Variants in DHX29 observed in about 807,000 individuals in gnomAD.
The protein encoded by DHX29 is DExH-box helicase 29.
DHX29 carries 79 observed loss-of-function variants against 167.9 expected under a neutral mutation model. The observed-to-expected ratio is 0.47, with a 90% CI of 0.39 to 0.57. The LOEUF is 0.57. Among genes scored for constraint, DHX29 ranks in the 20% least tolerant of loss-of-function variants. DHX29 has a pLI of 0.00. For missense variants in DHX29, 1,347 were observed against 1,593.4 expected, an observed-to-expected ratio of 0.85 and a Z score of 2.63; for synonymous variants, 530 against 546.0, an observed-to-expected ratio of 0.97 and a Z score of 0.41.
rs1251714035 is a variant in DHX29 at position 55,290,329 on chromosome 5, G to GT, written c.795dup (p.His266ThrfsTer17). On this transcript the variant is annotated frameshift_variant, in exon 7 of 27. Transcript: ENST00000251636. LOFTEE classifies it high-confidence loss of function. ...GCATCCAGCAGTTTTGCTGCAAGAT[G>GT]TAAGTACCTTTCATTCTGTTCCAAA... is the stretch of plus-strand genomic sequence containing the variant. 1.2e-6 allele frequency: 2 copies of GT among 1,605,452 alleles called. No homozygotes were observed. Among genetic ancestry groups the GT allele is most frequent in the Non-Finnish European group, 1.7e-6 (2 of 1,178,052 alleles).
chr5:55,274,086 CAA>C (rs201970753), intron 16 of DHX29, among the ~76,000 whole-genome samples: 39 of 73,768 alleles, frequency 5.3e-4, no homozygotes, highest in Non-Finnish European at 5.6e-4. Flanking sequence ...GACTCTGCCT[CAA>C]AAAAAAAAAA....
chr5:55,273,016 T>A (rs1746928096), intron 17 of DHX29, among the ~76,000 whole-genome samples: 1 of 152,164 alleles, frequency 6.6e-6, no homozygotes, highest in Non-Finnish European at 1.5e-5. Context: ...AAGTTGTGAC[T>A]TTTTTTCCTC....
chr5:55,294,575 T>C (rs1053292570), intron 5 of DHX29, among the ~76,000 whole-genome samples: 2 of 152,158 alleles, frequency 1.3e-5, no homozygotes, highest in African/African-American at 2.4e-5. Flanking sequence ...CTCGGGAGGC[T>C]GAGGCAGGAG....
At chr5:55,262,392 G>C (rs1320579141) in intron 24 of DHX29, among the ~76,000 whole-genome samples, 2 of 152,124 alleles carry the variant, frequency 1.3e-5, no homozygotes, top group African/African-American at 2.4e-5. Flanking sequence ...TGCTATTACT[G>C]TCTTTATTCC....
intron 1 of DHX29, among the ~76,000 whole-genome samples, chr5:55,301,388 C>T (rs1748590076): frequency 6.6e-6 from 1 of 152,132 alleles, no homozygotes; most frequent in African/African-American, 2.4e-5. Flanking sequence ...CTTAGGACCT[C>T]CTGAGCACAC....
intron 1 of DHX29, among the ~76,000 whole-genome samples, chr5:55,302,326 A>C (rs920373143): frequency 2.0e-5 from 3 of 152,210 alleles, no homozygotes; most frequent in African/African-American, 7.2e-5. Context: ...AAAGTTACAG[A>C]TAGATGAGCA....
At position 55,296,316 on chromosome 5, in the gene DHX29, T is replaced by C. The variant is rs1219743552; in HGVS notation, c.409A>G (p.Lys137Glu). The change falls in exon 4 of 27, where the codon AAG (lysine) becomes GAG (glutamate). Residue 137 changes from lysine to glutamate, a missense_variant. Lys to Glu is a moderately conservative substitution (Grantham distance 56). Coordinates refer to ENST00000251636, the MANE Select transcript of DHX29 (RefSeq NM_019030.4). ...LYMALQAFSF[K>E]TKDIEDAMTN... is the part of the protein sequence containing the mutation. Reference sequence around the variant, plus strand: ...ATGGCATCTTCAATGTCCTTTGTCTTAAATGAAAATGCTTGTAAAGCCATG... The same window carrying C: ...ATGGCATCTTCAATGTCCTTTGTCTCAAATGAAAATGCTTGTAAAGCCATG... The C allele has an allele frequency of 6.2e-7, 1 of 1,613,058 alleles. No homozygotes were observed. The highest frequency in any genetic ancestry group is 8.5e-7 in the Non-Finnish European group (1 of 1,179,572).
At chr5:55,273,818 G>A (rs1746967527) in intron 16 of DHX29, among the ~76,000 whole-genome samples, 1 of 152,092 alleles carries the variant, frequency 6.6e-6, no homozygotes, top group Non-Finnish European at 1.5e-5. Flanking sequence ...CAAGTGCGGT[G>A]GCTCAGGCCT....
At chr5:55,275,251 T>A (rs1747049964) in intron 14 of DHX29, among the ~76,000 whole-genome samples, 1 of 152,188 alleles carries the variant, frequency 6.6e-6, no homozygotes, top group African/African-American at 2.4e-5. Context: ...AACCTTTTTA[T>A]CTTGGCATAT....
At position 55,262,998 on chromosome 5, in the gene DHX29, T is replaced by C; in HGVS notation, c.3526-66A>G. Reference sequence around the variant, plus strand: ...TTAGAGGAATTTCCAAATAACATTGTAGTTTATATTACTGCTTCCTATAAA... The same window carrying C: ...TTAGAGGAATTTCCAAATAACATTGCAGTTTATATTACTGCTTCCTATAAA... On this transcript the variant is annotated intron_variant, in intron 23 of 26. Coordinates refer to ENST00000251636, the MANE Select transcript of DHX29 (RefSeq NM_019030.4). 2.5e-6 allele frequency: 3 copies of C among 1,198,394 alleles called. No homozygotes were observed. The South Asian group carries it at 4.4e-5, about 17-fold the overall frequency. 74.2% of individuals were successfully genotyped at this position (1,198,394 alleles called of 1,614,324 possible).
At chr5:55,286,253 C>CAA (rs562645545) in intron 8 of DHX29, among the ~76,000 whole-genome samples, 12 of 84,962 alleles carry the variant, frequency 1.4e-4, no homozygotes, top group South Asian at 7.2e-4. Flanking sequence ...CACTCCGTCT[C>CAA]AAAAAAAAAA....
In DHX29 at chr5:55,307,616, C is replaced by G. The variant is rs1349232547; in HGVS notation, c.-43G>C. ...AGATCCTTCGCGGCCCAGGCCCCGACGGTACCACTGCACAGCCGAGAGCTC... is the reference window on the plus strand; with the variant it reads ...AGATCCTTCGCGGCCCAGGCCCCGAGGGTACCACTGCACAGCCGAGAGCTC... On this transcript the variant is annotated 5_prime_UTR_variant, in exon 1 of 27. Transcript: ENST00000251636. 1.2e-6 allele frequency: 2 copies of G among 1,606,574 alleles called. No homozygotes were observed. Among genetic ancestry groups the G allele is most frequent in the East Asian group, 4.5e-5 (2 of 44,852 alleles).
chr5:55,256,449 CATCTTA>C lies in DHX29; in HGVS notation c.*33_*38del, dbSNP rs781598775. 1 of 1,533,726 alleles carries C rather than the reference CATCTTA, an allele frequency of 6.5e-7. No homozygotes were observed. The highest frequency in any genetic ancestry group is 8.8e-7 in the Non-Finnish European group (1 of 1,135,232). ...TCAGATAATTTCATGACTGTATCTT[CATCTTA>C]ATTTTTAAAGCAGTTGACCATGAAT... On this transcript the variant is annotated 3_prime_UTR_variant, in exon 27 of 27. Transcript: ENST00000251636.
At position 55,267,032 on chromosome 5, in the gene DHX29, C is replaced by G. The variant is rs987583406; in HGVS notation, c.3525+106G>C. On this transcript the variant is annotated intron_variant, in intron 23 of 26. Transcript: ENST00000251636. Reference sequence around the variant, plus strand: ...AATGTACTAATTCAACAAATGTTTACTAAGCCCTTACTATGTGACAAGTAT... The same window carrying G: ...AATGTACTAATTCAACAAATGTTTAGTAAGCCCTTACTATGTGACAAGTAT... 7.5e-6 allele frequency: 5 copies of G among 665,210 alleles called. No individual in the cohort carries two copies. In the African/African-American group the frequency reaches 9.1e-5, roughly 12 times the overall value. 41.2% of individuals were successfully genotyped at this position (665,210 alleles called of 1,614,324 possible).
intron 18 of DHX29, among the ~76,000 whole-genome samples, chr5:55,271,246 A>C (rs1402084412): frequency 6.6e-6 from 1 of 152,246 alleles, no homozygotes; most frequent in African/African-American, 2.4e-5. Flanking sequence ...CAATATAAAC[A>C]TTATTTATAC....
chr5:55,276,248 A>G lies in DHX29; in HGVS notation c.2427+18T>C. ...TGGATATCATTATCTGATATCTTTC[A>G]AAATATTTTCTTTTTACCTGATATT... is the stretch of plus-strand genomic sequence containing the variant. On this transcript the variant is annotated intron_variant, in intron 14 of 26. Coordinates refer to ENST00000251636, the MANE Select transcript of DHX29 (RefSeq NM_019030.4). 1 of 1,556,916 alleles carries G rather than the reference A, an allele frequency of 6.4e-7. No homozygotes were observed. The highest frequency in any genetic ancestry group is 8.6e-7 in the Non-Finnish European group (1 of 1,158,490).
intron 11 of DHX29, 136 bp downstream of exon 11, chr5:55,283,067 A>G (rs2111892288): frequency 1.1e-6 from 1 of 887,618 alleles, no homozygotes; most frequent in East Asian, 2.7e-5. Flanking sequence ...GAAAATGTGA[A>G]AAGTGCCTGA....
intron 26 of DHX29, among the ~76,000 whole-genome samples, chr5:55,259,454 T>G (rs1746203765): frequency 6.6e-6 from 1 of 152,048 alleles, no homozygotes; most frequent in South Asian, 2.1e-4. Flanking sequence ...TCTTACAAAG[T>G]TTCTTTTTTT....
intron 23 of DHX29, among the ~76,000 whole-genome samples, chr5:55,266,322 T>A (rs1273709680): frequency 6.6e-6 from 1 of 151,296 alleles, no homozygotes; most frequent in Non-Finnish European, 1.5e-5. Context: ...TTTTTTTTTT[T>A]TTTTGAGACG....
Sources: gnomAD v4.1 joint callset for allele counts (sites outside exome capture counted in the v4.1 genomes callset) on GRCh38, gnomAD v4.1.1 for gene constraint, MANE v1.5 for transcripts, NCBI Gene and HGNC (gene_info 2026-07-23, HGNC 2026-07-21) for gene names.